Variants in STK39 observed in about 807,000 individuals in gnomAD.
The protein encoded by STK39 is serine/threonine kinase 39, also known as STE20/SPS1-related proline-alanine-rich protein kinase.
A neutral mutation model predicts 77.8 loss-of-function variants in STK39; 20 were observed. The observed-to-expected ratio is 0.26, with a 90% CI of 0.18 to 0.37. The LOEUF is 0.37. STK39 is among the 10% of genes least tolerant of loss of function. The pLI is 1.00. For missense variants in STK39, 479 were observed against 656.5 expected, an observed-to-expected ratio of 0.73 and a Z score of 2.95; for synonymous variants, 246 against 234.1, an observed-to-expected ratio of 1.05 and a Z score of -0.47.
chr2:168,113,613 T>C (rs1687177288), intron 10 of STK39, among the ~76,000 whole-genome samples: 1 of 152,218 alleles, frequency 6.6e-6, no homozygotes, highest in Admixed American at 6.5e-5. Context: ...ATTTTTCTTT[T>C]TGTAAAGTGA....
chr2:168,013,793 G>GGTGTGTGT (rs4000936), intron 15 of STK39, among the ~76,000 whole-genome samples: 2,248 of 147,656 alleles, frequency 0.015, 52 homozygotes, highest in African/African-American at 0.053. Context: ...TAAGTGGGCT[G>GGTGTGTGT]GTGTGTGTGT....
chr2:168,068,230 T>C (rs1305097026), intron 12 of STK39, among the ~76,000 whole-genome samples: 19 of 152,006 alleles, frequency 1.2e-4, no homozygotes, highest in Non-Finnish European at 4.4e-5. Flanking sequence ...GCAGGAACAA[T>C]GGATTAATGT....
chr2:168,106,665 C>T (rs753283332), intron 10 of STK39, among the ~76,000 whole-genome samples: 73 of 151,810 alleles, frequency 4.8e-4, no homozygotes, highest in Non-Finnish European at 9.1e-4. Context: ...ACAAAATGTA[C>T]CAAAAAATTA....
intron 14 of STK39, among the ~76,000 whole-genome samples, chr2:168,042,111 G>C (rs1484045876): frequency 6.6e-6 from 1 of 152,196 alleles, no homozygotes; most frequent in Non-Finnish European, 1.5e-5. Context: ...TCTTCTCAGT[G>C]ATTGTAATTA....
intron 14 of STK39, among the ~76,000 whole-genome samples, chr2:168,039,597 T>TC (rs1215798727): frequency 3.3e-5 from 4 of 121,844 alleles, no homozygotes; most frequent in African/African-American, 1.5e-4. Context: ...AGACTCCGTC[T>TC]CCAAAAAAAA....
intron 3 of STK39, among the ~76,000 whole-genome samples, chr2:168,164,713 T>G (rs1196227659): frequency 6.6e-6 from 1 of 152,224 alleles, no homozygotes; most frequent in Admixed American, 6.5e-5. Flanking sequence ...TGGCTGATCT[T>G]TATTTCATTT....
At chr2:168,081,987 T>A (rs1686246101) in intron 10 of STK39, among the ~76,000 whole-genome samples, 1 of 152,202 alleles carries the variant, frequency 6.6e-6, no homozygotes, top group Non-Finnish European at 1.5e-5. Context: ...GTAAATTGCC[T>A]AGTCTCGGGT....
At chr2:168,157,062 G>T (rs570962567) in intron 5 of STK39, among the ~76,000 whole-genome samples, 1 of 152,334 alleles carries the variant, frequency 6.6e-6, no homozygotes, top group African/African-American at 2.4e-5. Flanking sequence ...TCTTCCTCTA[G>T]CTCCTTAATG....
At chr2:168,118,594 T>A (rs1488653928) in intron 10 of STK39, among the ~76,000 whole-genome samples, 1 of 91,732 alleles carries the variant, frequency 1.1e-5, no homozygotes, top group African/African-American at 4.3e-5. Flanking sequence ...TCCCAGAACA[T>A]ATGCTTTCAA....
At chr2:168,001,006 G>A (rs954160255) in intron 16 of STK39, among the ~76,000 whole-genome samples, 8 of 152,122 alleles carry the variant, frequency 5.3e-5, no homozygotes, top group African/African-American at 1.9e-4. Context: ...CTTTACTTGT[G>A]TCAGAAGGGT....
At chr2:168,046,632 A>C (rs2105360201) in intron 14 of STK39, among the ~76,000 whole-genome samples, 1 of 152,224 alleles carries the variant, frequency 6.6e-6, no homozygotes, top group East Asian at 1.9e-4. Context: ...CACAAGGGTC[A>C]CTACTGAAGA....
intron 1 of STK39, among the ~76,000 whole-genome samples, chr2:168,214,941 T>C (rs1375643053): frequency 2.0e-5 from 3 of 152,248 alleles, no homozygotes; most frequent in African/African-American, 7.2e-5. Flanking sequence ...TTGCTGTTTT[T>C]ACCCAGTAGT....
Position 168,167,370 on chromosome 2 carries a change from T to C in STK39, c.359A>G (p.Asn120Ser). Residue 120 changes from asparagine to serine, a missense_variant, in exon 3 of 18, where the codon AAC (asparagine) becomes AGC (serine). Physicochemically the swap from Asn to Ser is conservative, Grantham distance 46. Coordinates refer to ENST00000355999, the MANE Select transcript of STK39 (RefSeq NM_013233.3). ...AAAAGAGGTGTAATAGGTCACTACG[T>C]TGGGATGGCTGCACTGACTCATGGC... The part of the protein sequence containing the change: ...IQAMSQCSHP[N>S]VVTYYTSFVV... The C allele has an allele frequency of 3.1e-6, 5 of 1,613,724 alleles. No individual in the cohort carries two copies. The highest frequency in any genetic ancestry group is 1.3e-5 in the African/African-American group (1 of 75,022).
chr2:168,156,456 T>G (rs577168219), intron 5 of STK39, among the ~76,000 whole-genome samples: 1 of 152,156 alleles, frequency 6.6e-6, no homozygotes, highest in Admixed American at 6.5e-5. Context: ...TCTGGTGATA[T>G]TGAGGAAACT....
intron 1 of STK39, among the ~76,000 whole-genome samples, chr2:168,207,948 G>A (rs907353287): frequency 2.0e-5 from 3 of 152,272 alleles, no homozygotes; most frequent in South Asian, 4.1e-4. Flanking sequence ...AGCTGAGAAG[G>A]AAGAACAGTA....
chr2:168,169,745 T>C (rs969358533), intron 2 of STK39, among the ~76,000 whole-genome samples: 2 of 152,170 alleles, frequency 1.3e-5, no homozygotes, highest in African/African-American at 4.8e-5. Flanking sequence ...AGAGACACCA[T>C]CTGGACATTA....
chr2:168,232,638 C>T (rs779725981), intron 1 of STK39, among the ~76,000 whole-genome samples: 8 of 152,128 alleles, frequency 5.3e-5, no homozygotes, highest in East Asian at 1.9e-4. Flanking sequence ...GAAGGCCAGG[C>T]GCAGTGGCTC....
chr2:168,216,676 A>T (rs905715910), intron 1 of STK39, among the ~76,000 whole-genome samples: 5 of 152,192 alleles, frequency 3.3e-5, no homozygotes, highest in Non-Finnish European at 7.3e-5. Context: ...TAGGCAAAGA[A>T]ACGTTGTTAT....
chr2:168,163,633 A>G, intron 4 of STK39, 106 bp downstream of exon 4: 1 of 1,597,490 alleles, frequency 6.3e-7, no homozygotes, highest in East Asian at 2.2e-5. Context: ...ATCTCTGCAG[A>G]GGTCACACCT....
Sources: gnomAD v4.1 joint callset for allele counts (sites outside exome capture counted in the v4.1 genomes callset) on GRCh38, gnomAD v4.1.1 for gene constraint, MANE v1.5 for transcripts, NCBI Gene and HGNC (gene_info 2026-07-23, HGNC 2026-07-21) for gene names.